HSPG2: variants seen among roughly 807,000 people sequenced by gnomAD.
The protein encoded by HSPG2 is heparan sulfate proteoglycan 2, also known as basement membrane-specific heparan sulfate proteoglycan core protein.
HSPG2 carries 278 observed loss-of-function variants against 526.6 expected under a neutral mutation model. That is an observed-to-expected ratio of 0.53 (90% CI 0.48 to 0.58). The LOEUF (loss-of-function observed/expected upper bound fraction) is 0.58, where lower values mean the gene tolerates loss of function less well. Among genes scored for constraint, HSPG2 ranks in the 20% least tolerant of loss-of-function variants. The pLI is 0.00. For synonymous variants in HSPG2, 2,465 were observed against 2,555.4 expected, an observed-to-expected ratio of 0.96 and a Z score of 1.07; for missense variants, 5,354 against 6,099.5, an observed-to-expected ratio of 0.88 and a Z score of 4.07.
chr1:21,926,017 A>T (rs1026339197), intron 1 of HSPG2, among the ~76,000 whole-genome samples: 1 of 151,908 alleles, frequency 6.6e-6, no homozygotes, highest in African/African-American at 2.4e-5. Context: ...TTCAGTAGAG[A>T]TGGGGTTTTA....
In HSPG2 at chr1:21,847,508, G is replaced by A; in HGVS notation, c.8026-16C>T. Reference sequence around the variant, plus strand: ...AGCCATGGGTCTGGACGTGCGGATGGGGAAGGAGAGGGAGAGGGAGTGGAG... The same window carrying A: ...AGCCATGGGTCTGGACGTGCGGATGAGGAAGGAGAGGGAGAGGGAGTGGAG... On this transcript the variant is annotated splice_polypyrimidine_tract_variant and intron_variant, in intron 61 of 96. Coordinates refer to ENST00000374695, the MANE Select transcript of HSPG2 (RefSeq NM_005529.7). The surrounding 1 kb of genome is among the most constrained non-coding windows in gnomAD (Gnocchi z 4.1). 1 of 1,613,702 alleles carries A rather than the reference G, an allele frequency of 6.2e-7. No individual in the cohort carries two copies. The highest frequency in any genetic ancestry group is 8.5e-7 in the Non-Finnish European group (1 of 1,179,966).
At chr1:21,883,489 T>C (rs1292473003) in intron 13 of HSPG2, among the ~76,000 whole-genome samples, 2 of 152,082 alleles carry the variant, frequency 1.3e-5, no homozygotes, top group Non-Finnish European at 2.9e-5. Flanking sequence ...GGCTAGATTT[T>C]TTGTTTTTAA....
intron 6 of HSPG2, among the ~76,000 whole-genome samples, 159 bp from the exon 7 acceptor site, chr1:21,888,225 C>G (rs1161976848): frequency 6.6e-6 from 1 of 152,226 alleles, no homozygotes; most frequent in African/African-American, 2.4e-5. Flanking sequence ...CTAGACACAT[C>G]CACAGCACAC....
At position 21,824,458 on chromosome 1, in the gene HSPG2, C is replaced by T. The variant is rs1252894427; in HGVS notation, c.12744+79G>A. ...AGGCCAGGGGGCTCTGCTTTCCCCT[C>T]CCCCCACCACTCCGGCCACCAGGAA... On this transcript the variant is annotated intron_variant, in intron 93 of 96. Coordinates refer to ENST00000374695, the MANE Select transcript of HSPG2 (RefSeq NM_005529.7). This position sits in a 1 kb window ranked among gnomAD's most constrained non-coding sequence, Gnocchi z 5.9. 29 of 1,591,708 alleles carry T rather than the reference C, an allele frequency of 1.8e-5. No individual in the cohort carries two copies. The highest frequency in any genetic ancestry group is 2.1e-5 in the Non-Finnish European group (24 of 1,163,192).
Position 21,872,424 on chromosome 1 carries a change from C to A in HSPG2, c.4030-47G>T. 6.6e-7 allele frequency: 1 copy of A among 1,516,520 alleles called. No homozygotes were observed. The allele number at this position is 1,516,520 out of a possible 1,614,324, so 93.9% of individuals were successfully genotyped here. On this transcript the variant is annotated intron_variant, in intron 32 of 96. Coordinates refer to ENST00000374695, the MANE Select transcript of HSPG2 (RefSeq NM_005529.7). This position sits in a 1 kb window ranked among gnomAD's most constrained non-coding sequence, Gnocchi z 5.5. ...GGCGTCAGCCTGAGCACCGGGGTGC[C>A]TTGGTGGGGGATGGGGCACGGGAGG...
At chr1:21,932,805 C>T (rs1310055808) in intron 1 of HSPG2, among the ~76,000 whole-genome samples, 2 of 152,202 alleles carry the variant, frequency 1.3e-5, no homozygotes, top group Non-Finnish European at 2.9e-5. Flanking sequence ...TGGCCCATGC[C>T]TATAATCCTA....
In HSPG2 at chr1:21,833,497, C is replaced by T. The variant is rs780824199; in HGVS notation, c.10948G>A (p.Val3650Ile). 1 of 1,614,182 alleles carries T rather than the reference C, an allele frequency of 6.2e-7. No individual in the cohort carries two copies. The highest frequency in any genetic ancestry group is 2.2e-5 in the East Asian group (1 of 44,874). Residue 3650 changes from valine (V) to isoleucine (I), a missense_variant, in exon 79 of 97, where the codon GTC (valine) becomes ATC (isoleucine). Coordinates refer to ENST00000374695, the MANE Select transcript of HSPG2 (RefSeq NM_005529.7). ...VCTATNRQGK[V>I]KAFAHLQVPE... ...ACCTGCAGGTGGGCAAAGGCTTTGACCTTGCCCTGGCGGTTAGTGGCGGTG... is the reference window on the plus strand; with the variant it reads ...ACCTGCAGGTGGGCAAAGGCTTTGATCTTGCCCTGGCGGTTAGTGGCGGTG...
Position 21,842,356 on chromosome 1 carries a change from G to A in HSPG2, c.8935C>T (p.His2979Tyr), listed in dbSNP as rs1190797191. Residue 2979 changes from histidine (H) to tyrosine (Y), a missense_variant, in exon 68 of 97, where the codon CAC (histidine) becomes TAC (tyrosine). His to Tyr is a moderately conservative substitution (Grantham distance 83, BLOSUM62 2). Coordinates refer to ENST00000374695, the MANE Select transcript of HSPG2 (RefSeq NM_005529.7). ...HQTHGSQLRLHLVSPADSGEY... is the reference protein window; with the variant it reads ...HQTHGSQLRLYLVSPADSGEY... ...CCTGAGTCGGCAGGGGAGACGAGGT[G>A]GAGCCGCAGCTGGGAGCCATGGGTC... 1.2e-6 allele frequency: 2 copies of A among 1,609,680 alleles called. No individual in the cohort carries two copies. The highest frequency in any genetic ancestry group is 2.2e-5 in the East Asian group (1 of 44,762).
At chr1:21,934,116 C>T (rs1644419789) in intron 1 of HSPG2, among the ~76,000 whole-genome samples, 1 of 152,232 alleles carries the variant, frequency 6.6e-6, no homozygotes, top group Admixed American at 6.5e-5. Context: ...CTCCTCACCT[C>T]CCAACAGCTG....
rs754721291 is a variant in HSPG2, at chr1:21,874,960, G to C, written c.3345C>G (p.Thr1115=). 1.2e-6 allele frequency: 2 copies of C among 1,610,382 alleles called. No homozygotes were observed. Among genetic ancestry groups the C allele is most frequent in the African/African-American group, 2.7e-5 (2 of 74,854 alleles). ...ISMDVAVPEE[T]GQDPALEVEQ... ...CCACTTCCAGCGCGGGGTCCTGGCC[G>C]GTTTCCTCGGGCACAGCCACGTCCA... Residue 1115 remains threonine, a synonymous_variant, in exon 26 of 97, where the codon ACC becomes ACG. Transcript: ENST00000374695.
rs376861606 is a variant in HSPG2 at position 21,834,868 on chromosome 1, G to A, written c.10531C>T (p.Leu3511=). 1 of 1,614,000 alleles carries A rather than the reference G, an allele frequency of 6.2e-7. No individual in the cohort carries two copies. Among genetic ancestry groups the A allele is most frequent in the Non-Finnish European group, 8.5e-7 (1 of 1,179,898 alleles). ...VVGHAVEFEC[L]ALGDPKPQVT... ...TGAGGCTTGGGGTCACCCAGTGCCA[G>A]GCATTCGAACTCCACGGCGTGGCCA... The change falls in exon 77 of 97, where the codon CTG becomes TTG. Residue 3511 remains leucine (L), a synonymous_variant. Coordinates refer to ENST00000374695, the MANE Select transcript of HSPG2 (RefSeq NM_005529.7).
In HSPG2 at chr1:21,855,444, C is replaced by T. The variant is rs573835318; in HGVS notation, c.5857G>A (p.Gly1953Ser). 8.1e-6 allele frequency: 13 copies of T among 1,613,176 alleles called. No homozygotes were observed. In the Admixed American group the frequency reaches 1.2e-4, roughly 14 times the overall value. ...CTCACTTGGACTCTGGGCCCACCGC[C>T]CCCTGCAGACAGAGTCCTGTGAGAA... The part of the protein sequence containing the change: ...VARAVLHVHG[G>S]GGPRVQVSPE... Residue 1953 changes from glycine (G) to serine (S), a missense_variant and splice_region_variant, in exon 47 of 97, where the codon GGC becomes AGC. Transcript: ENST00000374695.
At chr1:21,926,036 G>T (rs12748891) in intron 1 of HSPG2, among the ~76,000 whole-genome samples, 34,834 of 151,792 alleles carry the variant, frequency 0.23, 4,503 homozygotes, top group East Asian at 0.42. Flanking sequence ...TACCATGTTG[G>T]CCAGGCTGCT....
intron 91 of HSPG2, among the ~76,000 whole-genome samples, chr1:21,827,241 A>G (rs1455630052): frequency 1.3e-5 from 2 of 152,202 alleles, no homozygotes; most frequent in African/African-American, 4.8e-5. Context: ...TTACTCTCAC[A>G]TAAAATTTTA....
At chr1:21,879,145 C>T in intron 17 of HSPG2, 24 bp from the exon 18 acceptor site, 1 of 1,614,090 alleles carries the variant, frequency 6.2e-7, no homozygotes, top group South Asian at 1.1e-5. Flanking sequence ...GAGGGTATGG[C>T]TCAACTTCTA....
At chr1:21,888,449 C>T (rs529331802) in intron 6 of HSPG2, among the ~76,000 whole-genome samples, 1 of 152,200 alleles carries the variant, frequency 6.6e-6, no homozygotes, top group Non-Finnish European at 1.5e-5. Flanking sequence ...TCCTCTCCAT[C>T]CTTTAAAAAA....
rs977568070 is a variant in HSPG2, at chr1:21,903,298, C to T, written c.64-6988G>A. Among the ~76,000 whole-genome samples the T allele has an allele frequency of 5.3e-5, 8 of 152,174 alleles. No homozygotes were observed. In the East Asian group the frequency reaches 5.8e-4, roughly 11 times the overall value. On this transcript the variant is annotated intron_variant, in intron 1 of 96. Coordinates refer to ENST00000374695, the MANE Select transcript of HSPG2 (RefSeq NM_005529.7). ...AATCCCTCCAAGAATTAGTTCTCTCCGCTATGAAATGGGAGCAAAAGGCCG... is the reference window on the plus strand; with the variant it reads ...AATCCCTCCAAGAATTAGTTCTCTCTGCTATGAAATGGGAGCAAAAGGCCG...
intron 1 of HSPG2, among the ~76,000 whole-genome samples, chr1:21,934,294 C>T (rs186834698): frequency 1.4e-4 from 22 of 152,344 alleles, no homozygotes; most frequent in African/African-American, 4.6e-4. Context: ...GCAAGGGTAG[C>T]AGGCAAAGAG....
At position 21,874,694 on chromosome 1, in the gene HSPG2, G is replaced by A. The variant is rs1269553823; in HGVS notation, c.3450C>T (p.Gly1150=). ...CDTGYTRTPS[G]LYLGTCERCS... ...AGCGTTCACAGGTACCCAGGTAGAG[G>A]CCACTGGGCGTGCGTGTGTAGCCTG... Residue 1150 remains glycine (G), a synonymous_variant, in exon 27 of 97, where the codon GGC becomes GGT. Coordinates refer to ENST00000374695, the MANE Select transcript of HSPG2 (RefSeq NM_005529.7). 1 of 1,610,132 alleles carries A rather than the reference G, an allele frequency of 6.2e-7. No homozygotes were observed.
Sources: allele counts gnomAD v4.1 joint callset (sites outside exome capture counted in the v4.1 genomes callset), GRCh38; gene constraint gnomAD v4.1.1; non-coding constraint Gnocchi (gnomAD v3.1); transcripts MANE v1.5; gene names NCBI Gene and HGNC (gene_info 2026-07-23, HGNC 2026-07-21).